CLSTN2: variants seen among roughly 807,000 people sequenced by gnomAD.
The protein encoded by CLSTN2 is calsyntenin 2.
Under a neutral mutation model 101.2 loss-of-function variants are expected in CLSTN2, and 48 were observed. The ratio of observed to expected loss-of-function variants is 0.47; its 90% CI spans 0.38 to 0.60. The LOEUF (loss-of-function observed/expected upper bound fraction) is 0.60, where lower values mean the gene tolerates loss of function less well. Ranked by LOEUF, CLSTN2 falls within the 20% of genes least tolerant of loss-of-function variation. CLSTN2 has a pLI of 0.00. For missense variants in CLSTN2, 1,160 were observed against 1,238.2 expected, an observed-to-expected ratio of 0.94 and a Z score of 0.95; for synonymous variants, 481 against 463.6, an observed-to-expected ratio of 1.04 and a Z score of -0.48.
At chr3:140,260,316 T>C (rs2086641134) in intron 2 of CLSTN2, among the ~76,000 whole-genome samples, 1 of 151,960 alleles carries the variant, frequency 6.6e-6, no homozygotes, top group South Asian at 2.1e-4. Context: ...TATCACTGTG[T>C]CTTACACCAT....
At chr3:140,415,262 C>T (rs2088415338) in intron 4 of CLSTN2, among the ~76,000 whole-genome samples, 1 of 151,878 alleles carries the variant, frequency 6.6e-6, no homozygotes, top group Non-Finnish European at 1.5e-5. Context: ...GAGAAGGCTC[C>T]TTGGCATTGG....
At chr3:140,353,421 T>A (rs1359727253) in intron 2 of CLSTN2, among the ~76,000 whole-genome samples, 3 of 152,120 alleles carry the variant, frequency 2.0e-5, no homozygotes, top group African/African-American at 7.2e-5. Flanking sequence ...AGACGTATAC[T>A]GGGAGTCTAG....
At chr3:140,465,511 A>G (rs1933673852) in intron 7 of CLSTN2, among the ~76,000 whole-genome samples, 1 of 152,192 alleles carries the variant, frequency 6.6e-6, no homozygotes, top group Non-Finnish European at 1.5e-5. Context: ...ATGGATCCTG[A>G]ACAAGTCATG....
At position 140,258,369 on chromosome 3, in the gene CLSTN2, C is replaced by T. The variant is rs1576487876; in HGVS notation, c.232+82296C>T. 2.0e-5 allele frequency among the ~76,000 whole-genome samples: 3 copies of T among 152,170 alleles called. No individual in the cohort carries two copies. In the East Asian group the frequency reaches 5.8e-4, roughly 29 times the overall value. Reference sequence around the variant, plus strand: ...ATTTATACACAGGTTTTTAATTTGACAGCTAATCCATGGCCGGGCTTTGGG... The same window carrying T: ...ATTTATACACAGGTTTTTAATTTGATAGCTAATCCATGGCCGGGCTTTGGG... On this transcript the variant is annotated intron_variant, in intron 2 of 16. Transcript: ENST00000458420.
intron 5 of CLSTN2, among the ~76,000 whole-genome samples, chr3:140,430,629 CT>C (rs1464028134): frequency 1.3e-5 from 2 of 152,148 alleles, no homozygotes; most frequent in African/African-American, 4.8e-5. Context: ...TTCGTGACCC[CT>C]GTGTGAAGCT....
chr3:140,333,894 A>C (rs1382820072), intron 2 of CLSTN2, among the ~76,000 whole-genome samples: 1 of 152,178 alleles, frequency 6.6e-6, no homozygotes, highest in Non-Finnish European at 1.5e-5. Flanking sequence ...TCCTCTGTTG[A>C]TACTTTTATG....
chr3:140,152,475 A>G (rs2009883074), intron 1 of CLSTN2, among the ~76,000 whole-genome samples: 1 of 152,178 alleles, frequency 6.6e-6, no homozygotes, highest in Non-Finnish European at 1.5e-5. Flanking sequence ...CCCAATTATA[A>G]TTATGTAATT....
At chr3:140,463,521 C>G (rs942301135) in intron 7 of CLSTN2, among the ~76,000 whole-genome samples, 2 of 152,180 alleles carry the variant, frequency 1.3e-5, no homozygotes, top group African/African-American at 4.8e-5. Flanking sequence ...AAGTGAGAAC[C>G]TTACTTTTGC....
chr3:140,539,718 C>T (rs1000328204), intron 9 of CLSTN2, among the ~76,000 whole-genome samples: 2 of 152,184 alleles, frequency 1.3e-5, no homozygotes, highest in Non-Finnish European at 1.5e-5. Flanking sequence ...ACTTAGTCCT[C>T]ACAACCTGAT....
chr3:140,533,220 T>G (rs757945037), intron 9 of CLSTN2, among the ~76,000 whole-genome samples: 6 of 152,218 alleles, frequency 3.9e-5, no homozygotes, highest in Non-Finnish European at 8.8e-5. Flanking sequence ...AGTCTTTGTT[T>G]CAGCTCCTTT....
chr3:140,192,261 G>A (rs963062262), intron 2 of CLSTN2, among the ~76,000 whole-genome samples: 21 of 151,812 alleles, frequency 1.4e-4, no homozygotes, highest in Admixed American at 3.3e-4. Flanking sequence ...TAGATATTCT[G>A]TGGGCACTTA....
chr3:140,375,943 A>G (rs1187181272), intron 2 of CLSTN2, among the ~76,000 whole-genome samples: 1 of 152,206 alleles, frequency 6.6e-6, no homozygotes. Flanking sequence ...ACACCATACA[A>G]TAAAGACTTA....
intron 2 of CLSTN2, among the ~76,000 whole-genome samples, chr3:140,197,518 C>T (rs1437791254): frequency 6.6e-6 from 1 of 152,260 alleles, no homozygotes; most frequent in South Asian, 2.1e-4. Context: ...GCTGAAATCA[C>T]GCTGTCAGGT....
At chr3:140,562,999 A>G in intron 14 of CLSTN2, 43 bp downstream of exon 14, 1 of 1,612,206 alleles carries the variant, frequency 6.2e-7, no homozygotes, top group Non-Finnish European at 8.5e-7. Context: ...AGGCTCACCC[A>G]TTCCCTCATT....
intron 8 of CLSTN2, among the ~76,000 whole-genome samples, chr3:140,467,189 C>T (rs952711115): frequency 1.3e-5 from 2 of 152,190 alleles, no homozygotes; most frequent in African/African-American, 4.8e-5. Context: ...TTAGGCAGTG[C>T]ATGCTCTTTT....
At chr3:140,230,810 C>A (rs1289570858) in intron 2 of CLSTN2, among the ~76,000 whole-genome samples, 1 of 152,174 alleles carries the variant, frequency 6.6e-6, no homozygotes, top group Non-Finnish European at 1.5e-5. Flanking sequence ...ATCATATGAA[C>A]CCTACAGATG....
At chr3:140,192,343 T>A (rs2010577871) in intron 2 of CLSTN2, among the ~76,000 whole-genome samples, 1 of 151,972 alleles carries the variant, frequency 6.6e-6, no homozygotes, top group Non-Finnish European at 1.5e-5. Context: ...ATGTTGAACT[T>A]TTCTGTATCC....
chr3:139,979,994 C>A (rs1935888201), intron 1 of CLSTN2, among the ~76,000 whole-genome samples: 1 of 151,982 alleles, frequency 6.6e-6, no homozygotes, highest in Non-Finnish European at 1.5e-5. Flanking sequence ...CTAGGAAATC[C>A]TGTGAATTCA....
At chr3:140,473,785 T>C (rs1261816552) in intron 8 of CLSTN2, among the ~76,000 whole-genome samples, 1 of 151,758 alleles carries the variant, frequency 6.6e-6, no homozygotes, top group African/African-American at 2.4e-5. Context: ...TGAGACAGAG[T>C]CTTGCTTTGT....
Sources: gnomAD v4.1 joint callset for allele counts (sites outside exome capture counted in the v4.1 genomes callset) on GRCh38, gnomAD v4.1.1 for gene constraint, MANE v1.5 for transcripts, NCBI Gene and HGNC (gene_info 2026-07-23, HGNC 2026-07-21) for gene names.